Variants in ZFHX3 observed in about 807,000 individuals in gnomAD.
ZFHX3 encodes the protein zinc finger homeobox 3.
In ZFHX3, 42 loss-of-function variants were observed where a neutral mutation model predicts 279.1. The ratio of observed to expected loss-of-function variants is 0.15; its 90% CI spans 0.12 to 0.19. The LOEUF (loss-of-function observed/expected upper bound fraction) is 0.19. ZFHX3 is among the 10% of genes least tolerant of loss of function. The pLI is 1.00. For missense variants in ZFHX3, 4,981 were observed against 4,754.0 expected, an observed-to-expected ratio of 1.05 and a Z score of -1.40; for synonymous variants, 2,293 against 1,957.8, an observed-to-expected ratio of 1.17 and a Z score of -4.52.
At chr16:72,888,356 G>A (rs552875586) in intron 4 of ZFHX3, among the ~76,000 whole-genome samples, 38 of 152,300 alleles carry the variant, frequency 2.5e-4, no homozygotes, top group African/African-American at 9.1e-4. Context: ...CCATTAAGAA[G>A]AAAAAGAAGT....
At chr16:72,978,330 G>A (rs192185121) in intron 1 of ZFHX3, among the ~76,000 whole-genome samples, 25 of 152,194 alleles carry the variant, frequency 1.6e-4, no homozygotes, top group East Asian at 3.9e-4. Flanking sequence ...TTATTTTACC[G>A]GAACTGACAC....
intron 1 of ZFHX3, among the ~76,000 whole-genome samples, chr16:73,748,272 T>TGTAAA (rs2053722061): frequency 1.3e-5 from 2 of 152,174 alleles, no homozygotes; most frequent in African/African-American, 4.8e-5. Context: ...AAAAACTAAC[T>TGTAAA]ACATGTCATA....
intron 2 of ZFHX3, among the ~76,000 whole-genome samples, chr16:73,458,643 C>G (rs1286366340): frequency 1.3e-5 from 2 of 152,120 alleles, no homozygotes; most frequent in Non-Finnish European, 2.9e-5. Context: ...GCTCTTTAGA[C>G]CCCTGCTTTT....
rs139067944 is a variant in ZFHX3, at chr16:73,429,259, C to A, written c.-1291+26744G>T. On this transcript the variant is annotated intron_variant, in intron 3 of 17. Coordinates refer to the ZFHX3 transcript ENST00000641206. ...GGAGAGTGAAGCCGATAGAGTCCAG[C>A]CTTCCCCCATGCCCAAGGGGACAGC... 3.6e-3 allele frequency among the ~76,000 whole-genome samples: 549 copies of A among 152,254 alleles called. 4 individuals are homozygous for A. The highest frequency in any genetic ancestry group is 0.013 in the African/African-American group (524 of 41,560).
At chr16:73,026,787 C>T in intron 1 of ZFHX3, among the ~76,000 whole-genome samples, 1 of 151,704 alleles carries the variant, frequency 6.6e-6, no homozygotes, top group East Asian at 1.9e-4. Flanking sequence ...TTATTTGACT[C>T]CCAGCACACC....
At chr16:73,233,365 C>A (rs1330652231) in intron 5 of ZFHX3, among the ~76,000 whole-genome samples, 1 of 152,114 alleles carries the variant, frequency 6.6e-6, no homozygotes, top group Non-Finnish European at 1.5e-5. Context: ...CAAACCAAAA[C>A]AATAAAAACC....
chr16:73,745,223 G>C (rs927710443), intron 1 of ZFHX3, among the ~76,000 whole-genome samples: 3 of 152,146 alleles, frequency 2.0e-5, no homozygotes, highest in African/African-American at 4.8e-5. Flanking sequence ...TCTTGAAAAA[G>C]CTGAAGGTCT....
chr16:73,117,239 T>G (rs1461843965), intron 7 of ZFHX3, among the ~76,000 whole-genome samples: 1 of 152,152 alleles, frequency 6.6e-6, no homozygotes, highest in African/African-American at 2.4e-5. Flanking sequence ...TTCCTTCCTC[T>G]TTCAACAGAA....
intron 3 of ZFHX3, among the ~76,000 whole-genome samples, chr16:73,358,191 C>G (rs999362710): frequency 1.1e-4 from 17 of 152,228 alleles, no homozygotes; most frequent in Non-Finnish European, 8.8e-5. Context: ...CCCCCAGCAC[C>G]GTCCACTCCC....
chr16:73,265,015 C>CATATATATATATATAT (rs59599339), intron 4 of ZFHX3, among the ~76,000 whole-genome samples: 372 of 142,074 alleles, frequency 2.6e-3, no homozygotes, highest in African/African-American at 7.0e-3. Flanking sequence ...CACCTCAGTG[C>CATATATATATATATAT]ATATATATAT....
intron 2 of ZFHX3, among the ~76,000 whole-genome samples, chr16:73,602,351 A>G (rs1386575031): frequency 6.6e-6 from 1 of 152,202 alleles, no homozygotes; most frequent in Non-Finnish European, 1.5e-5. Context: ...TGAATACTAC[A>G]GAACGAGCAG....
At chr16:73,210,783 A>C (rs1204763473) in intron 5 of ZFHX3, among the ~76,000 whole-genome samples, 1 of 152,186 alleles carries the variant, frequency 6.6e-6, no homozygotes. Flanking sequence ...GAGATGGCAG[A>C]CAAGAAAACC....
chr16:73,715,028 C>A (rs1033972594), intron 1 of ZFHX3, among the ~76,000 whole-genome samples: 2 of 152,212 alleles, frequency 1.3e-5, no homozygotes, highest in African/African-American at 4.8e-5. Context: ...GCCCTCCCTA[C>A]CCCCATGAAG....
At chr16:73,597,032 T>G (rs1749293324) in intron 2 of ZFHX3, among the ~76,000 whole-genome samples, 1 of 152,214 alleles carries the variant, frequency 6.6e-6, no homozygotes, top group Admixed American at 6.5e-5. Flanking sequence ...ACCAGACATT[T>G]CTGGATACTG....
At chr16:73,032,212 G>A (rs1465590091) in intron 1 of ZFHX3, among the ~76,000 whole-genome samples, 1 of 152,122 alleles carries the variant, frequency 6.6e-6, no homozygotes, top group East Asian at 1.9e-4. Flanking sequence ...TGAGGTGGGA[G>A]GATCGCTTGA....
At chr16:73,808,757 A>T (rs1220247381) in intron 1 of ZFHX3, among the ~76,000 whole-genome samples, 5 of 152,102 alleles carry the variant, frequency 3.3e-5, no homozygotes, top group Admixed American at 6.6e-5. Flanking sequence ...TTCCAGAGCT[A>T]GAGGAACAAC....
chr16:73,148,348 T>TC (rs1966877406), intron 5 of ZFHX3, among the ~76,000 whole-genome samples: 1 of 152,190 alleles, frequency 6.6e-6, no homozygotes, highest in Non-Finnish European at 1.5e-5. Flanking sequence ...AACAAATATT[T>TC]CCCCAGGAAG....
At chr16:73,691,608 C>G (rs1256480844) in intron 1 of ZFHX3, among the ~76,000 whole-genome samples, 2 of 152,148 alleles carry the variant, frequency 1.3e-5, no homozygotes, top group African/African-American at 4.8e-5. Context: ...ATCATATAAT[C>G]TTTACAACAA....
chr16:73,330,864 T>C (rs1342689202), intron 3 of ZFHX3, among the ~76,000 whole-genome samples: 3 of 152,316 alleles, frequency 2.0e-5, no homozygotes, highest in East Asian at 1.9e-4. Flanking sequence ...ATCAACCCTA[T>C]ACTCATTGGT....
Sources: allele counts gnomAD v4.1 joint callset (sites outside exome capture counted in the v4.1 genomes callset), GRCh38; gene constraint gnomAD v4.1.1; transcripts MANE v1.5; gene names NCBI Gene and HGNC (gene_info 2026-07-23, HGNC 2026-07-21).